ADAMDEC1: variants seen among roughly 807,000 people sequenced by gnomAD.
ADAMDEC1 encodes the protein ADAM like decysin 1.
A neutral mutation model predicts 60.4 loss-of-function variants in ADAMDEC1; 62 were observed. The observed-to-expected ratio is 1.03, with a 90% CI of 0.84 to 1.27. The LOEUF is 1.27. ADAMDEC1 is among the 50% of genes most tolerant of loss of function. The probability of loss-of-function intolerance (pLI) is 0.00; values close to 1 mark genes in which losing one functional copy is unlikely to be tolerated. For synonymous variants in ADAMDEC1, 210 were observed against 195.1 expected (o/e 1.08, Z -0.64); for missense variants, 595 against 565.0 (o/e 1.05, Z -0.54).
chr8:24,402,220 G>A, intron 12 of ADAMDEC1, 128 bp downstream of exon 12: 1 of 819,030 alleles, frequency 1.2e-6, no homozygotes, highest in Non-Finnish European at 1.8e-6. Context: ...TTGTGCTTGT[G>A]TTTTTGCTAC....
intron 2 of ADAMDEC1, among the ~76,000 whole-genome samples, chr8:24,392,886 G>GTTTTTTTTTTTTTTT (rs34415946): frequency 2.0e-5 from 1 of 50,386 alleles, no homozygotes. Flanking sequence ...GGGTTGAGAG[G>GTTTTTTTTTTTTTTT]TTTTTTTTTT....
At position 24,397,384 on chromosome 8, in the gene ADAMDEC1, C is replaced by T; in HGVS notation, c.555C>T (p.His185=). Reference sequence around the variant, plus strand: ...AGGAGGAACAAGACCCAGCTAACCACACATGTGGTGTGAAGAGCACTGACG... The same window carrying T: ...AGGAGGAACAAGACCCAGCTAACCATACATGTGGTGTGAAGAGCACTGACG... ...SNQEEQDPAN[H]TCGVKSTDGK... Residue 185 remains histidine, a synonymous_variant, in exon 6 of 14, where the codon CAC becomes CAT. Transcript: ENST00000256412. 6.2e-7 allele frequency: 1 copy of T among 1,614,124 alleles called. No homozygotes were observed. Among genetic ancestry groups the T allele is most frequent in the Non-Finnish European group, 8.5e-7 (1 of 1,179,982 alleles).
In ADAMDEC1 at chr8:24,398,936, T is replaced by G. The variant is rs754195840; in HGVS notation, c.825T>G (p.Asp275Glu). Reference protein sequence around the residue: ...LVGMEIWSDGDKIKVVPSAST... With the variant: ...LVGMEIWSDGEKIKVVPSAST... ...GTATGGAAATCTGGTCTGATGGGGA[T>G]AAGATAAAGGTGGTGCCCAGCGCAA... The change falls in exon 9 of 14, where the codon GAT (aspartate) becomes GAG (glutamate). Residue 275 changes from aspartate (D) to glutamate (E), a missense_variant. Physicochemically the swap from Asp to Glu is conservative, Grantham distance 45. Transcript: ENST00000256412. The G allele has an allele frequency of 1.9e-6, 3 of 1,613,748 alleles. No homozygotes were observed. The African/African-American group carries it at 4.0e-5, about 22-fold the overall frequency.
intron 13 of ADAMDEC1, 151 bp from the exon 14 acceptor site, chr8:24,405,141 T>C: frequency 1.3e-6 from 1 of 765,982 alleles, no homozygotes; most frequent in Non-Finnish European, 2.0e-6. Context: ...TTTTTTTCAC[T>C]CATGAAATAC....
intron 13 of ADAMDEC1, among the ~76,000 whole-genome samples, chr8:24,404,576 T>C (rs1036015415): frequency 1.9e-4 from 29 of 152,166 alleles, no homozygotes; most frequent in Non-Finnish European, 2.9e-5. Context: ...TTCTGTGTCT[T>C]ATACAATCCT....
chr8:24,393,392 A>G, intron 3 of ADAMDEC1, 54 bp downstream of exon 3: 1 of 1,301,356 alleles, frequency 7.7e-7, no homozygotes, highest in African/African-American at 1.5e-5. Context: ...GAAATTGGGG[A>G]GCAATCTTTT....
chr8:24,394,176 T>G, intron 4 of ADAMDEC1, 29 bp downstream of exon 4: 1 of 1,548,248 alleles, frequency 6.5e-7, no homozygotes, highest in African/African-American at 1.4e-5. Flanking sequence ...GTGGGTCTCT[T>G]TTGAGTTTTA....
chr8:24,400,182 A>G lies in ADAMDEC1; in HGVS notation c.1024A>G (p.Asn342Asp). The change falls in exon 11 of 14, where the codon AAT becomes GAT. Residue 342 changes from asparagine to aspartate, a missense_variant. Coordinates refer to ENST00000256412, the MANE Select transcript of ADAMDEC1 (RefSeq NM_014479.3). ...SVAVIEAKKK[N>D]NVALVGVMSH... Reference sequence around the variant, plus strand: ...CTACTTTTTCCAGGCTAAAAAAAAGAATAATGTGGCTCTTGTAGGAGTGAT... The same window carrying G: ...CTACTTTTTCCAGGCTAAAAAAAAGGATAATGTGGCTCTTGTAGGAGTGAT... 1 of 1,584,508 alleles carries G rather than the reference A, an allele frequency of 6.3e-7. No homozygotes were observed. Among genetic ancestry groups the G allele is most frequent in the South Asian group, 1.2e-5 (1 of 83,880 alleles).
chr8:24,392,886 G>GTGT (rs1817482872), intron 2 of ADAMDEC1, among the ~76,000 whole-genome samples: 1 of 50,364 alleles, frequency 2.0e-5, no homozygotes, highest in Non-Finnish European at 4.1e-5. Flanking sequence ...GGGTTGAGAG[G>GTGT]TTTTTTTTTT....
In ADAMDEC1 at chr8:24,398,865, T is replaced by C. The variant is rs754972105; in HGVS notation, c.763-9T>C. 6.2e-7 allele frequency: 1 copy of C among 1,610,414 alleles called. No homozygotes were observed. Among genetic ancestry groups the C allele is most frequent in the Admixed American group, 1.7e-5 (1 of 58,952 alleles). On this transcript the variant is annotated splice_polypyrimidine_tract_variant and intron_variant, in intron 8 of 13. Coordinates refer to ENST00000256412, the MANE Select transcript of ADAMDEC1 (RefSeq NM_014479.3). ...AACATTTTTATGAAGATAAATGCTC[T>C]TTCCACAGATATATAACACCATAGA...
At chr8:24,403,944 C>G (rs1817825719) in intron 12 of ADAMDEC1, 59 bp from the exon 13 acceptor site, 1 of 1,397,338 alleles carries the variant, frequency 7.2e-7, no homozygotes. Flanking sequence ...ATTCTATCAC[C>G]TAGTCTATGG....
intron 12 of ADAMDEC1, among the ~76,000 whole-genome samples, chr8:24,403,723 T>A (rs1817821207): frequency 6.6e-6 from 1 of 152,186 alleles, no homozygotes; most frequent in South Asian, 2.1e-4. Flanking sequence ...ATGTTCAATT[T>A]TTTTTAGTTT....
chr8:24,400,028 C>G (rs540929899), intron 10 of ADAMDEC1, 142 bp from the exon 11 acceptor site: 1 of 627,800 alleles, frequency 1.6e-6, no homozygotes, highest in African/African-American at 1.8e-5. Flanking sequence ...TTTAAATGCT[C>G]TTTCAACGTT....
At chr8:24,392,211 A>G in intron 1 of ADAMDEC1, 51 bp from the exon 2 acceptor site, 1 of 1,445,654 alleles carries the variant, frequency 6.9e-7, no homozygotes, top group Non-Finnish European at 9.5e-7. Flanking sequence ...CAACACGACT[A>G]AAACCAAAAC....
At chr8:24,390,518 G>A (rs1446109354) in intron 1 of ADAMDEC1, among the ~76,000 whole-genome samples, 3 of 152,094 alleles carry the variant, frequency 2.0e-5, no homozygotes, top group East Asian at 1.9e-4. Flanking sequence ...TCAGGAGTTC[G>A]AGACCAGCCT....
chr8:24,392,018 T>C (rs1390620921), intron 1 of ADAMDEC1, among the ~76,000 whole-genome samples: 1 of 151,948 alleles, frequency 6.6e-6, no homozygotes, highest in African/African-American at 2.4e-5. Flanking sequence ...TGAGAGATCA[T>C]CTAAAGAATT....
Position 24,384,448 on chromosome 8 carries a change from A to C in ADAMDEC1, c.-57A>C. ...AGTGGGGGTTTTAATTTTCTTGTTC[A>C]ACTTCTAAAGAGAAATTGGAGAAGA... is the stretch of plus-strand genomic sequence containing the variant. On this transcript the variant is annotated 5_prime_UTR_variant, in exon 1 of 14. Transcript: ENST00000256412. The C allele has an allele frequency of 7.2e-7, 1 of 1,397,372 alleles. No homozygotes were observed. The highest frequency in any genetic ancestry group is 1.8e-4 in the Middle Eastern group (1 of 5,502). The allele number at this position is 1,397,372 out of a possible 1,614,324, so 86.6% of individuals were successfully genotyped here. A position where few individuals can be genotyped will look rare whatever the true frequency, so the allele number is the denominator to read the frequency against.
chr8:24,405,468 T>C lies in ADAMDEC1; in HGVS notation c.*170T>C, dbSNP rs987255137. The C allele has an allele frequency of 1.1e-5, 7 of 616,846 alleles. No individual in the cohort carries two copies. Among genetic ancestry groups the C allele is most frequent in the Middle Eastern group, 2.7e-4 (1 of 3,758 alleles). 38.2% of individuals were successfully genotyped at this position (616,846 alleles called of 1,614,324 possible). A position where few individuals can be genotyped will look rare whatever the true frequency, so the allele number is the denominator to read the frequency against. On this transcript the variant is annotated 3_prime_UTR_variant, in exon 14 of 14. Coordinates refer to ENST00000256412, the MANE Select transcript of ADAMDEC1 (RefSeq NM_014479.3). ...AGGTAAACAGATGTAATTAGAGACA[T>C]TGGCTCTTTGTTTAGGCCTAATCTT...
At chr8:24,384,912 G>C (rs1224033702) in intron 1 of ADAMDEC1, among the ~76,000 whole-genome samples, 1 of 151,978 alleles carries the variant, frequency 6.6e-6, no homozygotes, top group African/African-American at 2.4e-5. Flanking sequence ...GCTACATATT[G>C]TTCCATTCAT....
Sources: allele counts gnomAD v4.1 joint callset (sites outside exome capture counted in the v4.1 genomes callset), GRCh38; gene constraint gnomAD v4.1.1; transcripts MANE v1.5; gene names NCBI Gene and HGNC (gene_info 2026-07-23, HGNC 2026-07-21).